PCCA: variants seen among roughly 807,000 people sequenced by gnomAD.
The protein encoded by PCCA is propionyl-CoA carboxylase subunit alpha, also known as propionyl-CoA carboxylase alpha chain, mitochondrial.
In PCCA, 74 loss-of-function variants were observed where a neutral mutation model predicts 101.3. That is an observed-to-expected ratio of 0.73 (90% CI 0.61 to 0.89). PCCA has a LOEUF of 0.89. PCCA is among the 40% of genes least tolerant of loss of function. PCCA has a pLI of 0.00. For synonymous variants in PCCA, 294 were observed against 313.6 expected (o/e 0.94, Z 0.66); for missense variants, 891 against 907.0 (o/e 0.98, Z 0.23).
chr13:100,210,616 A>G (rs549550292), intron 7 of PCCA, among the ~76,000 whole-genome samples: 1 of 152,376 alleles, frequency 6.6e-6, no homozygotes, highest in Non-Finnish European at 1.5e-5. Context: ...GGAGAAATGC[A>G]GAAATTGAAG....
chr13:100,346,981 C>T (rs12867207), intron 18 of PCCA, among the ~76,000 whole-genome samples: 38,842 of 151,910 alleles, frequency 0.26, 6,504 homozygotes, highest in Middle Eastern at 0.41. Context: ...TCAAGCAGTT[C>T]TCCTGCCTCA....
chr13:100,451,235 G>C (rs9518074), intron 21 of PCCA, among the ~76,000 whole-genome samples: 2 of 152,042 alleles, frequency 1.3e-5, no homozygotes, highest in African/African-American at 4.8e-5. Flanking sequence ...AAATATCTTC[G>C]ATGATACATC....
At chr13:100,154,298 A>C (rs937249975) in intron 4 of PCCA, among the ~76,000 whole-genome samples, 2 of 152,250 alleles carry the variant, frequency 1.3e-5, no homozygotes, top group Admixed American at 6.5e-5. Context: ...AAATAGATTT[A>C]AACATTATAG....
chr13:100,135,848 G>C (rs1480968286), intron 4 of PCCA, among the ~76,000 whole-genome samples: 1 of 152,078 alleles, frequency 6.6e-6, no homozygotes, highest in African/African-American at 2.4e-5. Context: ...CTCCTAATCT[G>C]CCAATGAATG....
At chr13:100,201,182 T>C (rs2058464492) in intron 6 of PCCA, among the ~76,000 whole-genome samples, 1 of 152,224 alleles carries the variant, frequency 6.6e-6, no homozygotes, top group South Asian at 2.1e-4. Flanking sequence ...GTGGCTGTTA[T>C]CTATAAGGTT....
chr13:100,211,056 T>C (rs185638994), intron 7 of PCCA, among the ~76,000 whole-genome samples: 423 of 152,354 alleles, frequency 2.8e-3, no homozygotes, highest in Middle Eastern at 0.01. Context: ...TGTCTTAAAA[T>C]TCTCCTCATC....
chr13:100,242,268 A>G (rs371278623), intron 8 of PCCA, among the ~76,000 whole-genome samples: 2 of 152,360 alleles, frequency 1.3e-5, no homozygotes, highest in African/African-American at 4.8e-5. Flanking sequence ...GGGGTGGCAT[A>G]CTAATGTCAG....
chr13:100,150,627 T>C, intron 4 of PCCA: 14 of 1,250,320 alleles, frequency 1.1e-5, no homozygotes, highest in Non-Finnish European at 1.5e-5. Flanking sequence ...CTCCCTGTGC[T>C]GTGGACTGAT....
chr13:100,454,018 C>T (rs565388227), intron 21 of PCCA, among the ~76,000 whole-genome samples: 39 of 152,068 alleles, frequency 2.6e-4, no homozygotes, highest in Admixed American at 1.4e-3. Flanking sequence ...CTACTGGTGC[C>T]GGCCACTACA....
chr13:100,211,798 T>C (rs2059230433), intron 7 of PCCA, among the ~76,000 whole-genome samples: 1 of 152,166 alleles, frequency 6.6e-6, no homozygotes, highest in East Asian at 1.9e-4. Context: ...TAGAGTGCAG[T>C]GGCATAGTCA....
chr13:100,419,093 C>A (rs1008735898), intron 19 of PCCA, among the ~76,000 whole-genome samples: 11 of 152,120 alleles, frequency 7.2e-5, no homozygotes, highest in African/African-American at 2.6e-4. Flanking sequence ...TTCCTACTCA[C>A]CCTTCCAGTC....
intron 21 of PCCA, among the ~76,000 whole-genome samples, chr13:100,465,005 ATTAT>A (rs1442581534): frequency 4.6e-5 from 7 of 152,162 alleles, no homozygotes. Flanking sequence ...GTACCTATGA[ATTAT>A]TTGATTGTCA....
chr13:100,289,359 G>T (rs1002016539), intron 12 of PCCA, among the ~76,000 whole-genome samples: 2 of 152,008 alleles, frequency 1.3e-5, no homozygotes, highest in African/African-American at 4.8e-5. Context: ...ATATTGCCCA[G>T]GCTTGTCTAG....
chr13:100,173,110 G>A (rs937522504), intron 6 of PCCA, among the ~76,000 whole-genome samples: 3 of 152,130 alleles, frequency 2.0e-5, no homozygotes, highest in Non-Finnish European at 4.4e-5. Context: ...TATATAAAGA[G>A]CTGTCTGTAA....
intron 18 of PCCA, among the ~76,000 whole-genome samples, chr13:100,365,446 A>C (rs1313072147): frequency 6.6e-6 from 1 of 152,234 alleles, no homozygotes; most frequent in Non-Finnish European, 1.5e-5. Flanking sequence ...CAGGATCAGC[A>C]ATGTTCCAAT....
In PCCA at chr13:100,209,392, A is replaced by G. The variant is rs755328273; in HGVS notation, c.529A>G (p.Lys177Glu). The change falls in exon 7 of 24, where the codon AAG becomes GAG. Residue 177 changes from lysine (K) to glutamate (E), a missense_variant. Lys to Glu is a moderately conservative substitution (Grantham distance 56). Coordinates refer to ENST00000376285, the MANE Select transcript of PCCA (RefSeq NM_000282.4). ...ACATGCTATTCAAGCCATGGGCGAC[A>G]AGATTGAAAGCAAATTATTAGCTAA... is the stretch of plus-strand genomic sequence containing the variant. ...DTHAIQAMGD[K>E]IESKLLAKKA... 2 of 1,613,330 alleles carry G rather than the reference A, an allele frequency of 1.2e-6. No homozygotes were observed. Among genetic ancestry groups the G allele is most frequent in the Non-Finnish European group, 1.7e-6 (2 of 1,179,270 alleles).
chr13:100,393,592 T>C (rs975508839), intron 19 of PCCA, among the ~76,000 whole-genome samples: 1 of 151,926 alleles, frequency 6.6e-6, no homozygotes, highest in Non-Finnish European at 1.5e-5. Flanking sequence ...CTAATTTTTG[T>C]ATTTTTAGAA....
chr13:100,495,194 A>G (rs561770189), intron 21 of PCCA, among the ~76,000 whole-genome samples: 6 of 152,276 alleles, frequency 3.9e-5, no homozygotes, highest in African/African-American at 1.4e-4. Context: ...AGATTAATCC[A>G]GGCTTTCGGC....
intron 4 of PCCA, among the ~76,000 whole-genome samples, chr13:100,152,703 C>T (rs187743655): frequency 7.9e-4 from 121 of 152,282 alleles, no homozygotes; most frequent in Non-Finnish European, 1.3e-4. Context: ...ACCTCAGCCT[C>T]CCAAAGTGCT....
Sources: gnomAD v4.1 joint callset for allele counts (sites outside exome capture counted in the v4.1 genomes callset) on GRCh38, gnomAD v4.1.1 for gene constraint, MANE v1.5 for transcripts, NCBI Gene and HGNC (gene_info 2026-07-23, HGNC 2026-07-21) for gene names.